MGRN1: variants seen among roughly 807,000 people sequenced by gnomAD.
MGRN1 encodes E3 ubiquitin-protein ligase MGRN1.
A neutral mutation model predicts 69.2 loss-of-function variants in MGRN1; 29 were observed. The observed-to-expected ratio is 0.42, with a 90% CI of 0.31 to 0.57. The LOEUF (loss-of-function observed/expected upper bound fraction) is 0.57. Among genes scored for constraint, MGRN1 ranks in the 20% least tolerant of loss-of-function variants. The pLI is 0.15. For missense variants in MGRN1, 998 were observed against 796.2 expected (o/e 1.25, Z -3.05); for synonymous variants, 470 against 344.2 (o/e 1.37, Z -4.04).
Position 4,690,319 on chromosome 16 carries a change from C to T in MGRN1, c.*1411C>T, listed in dbSNP as rs2079428321. Reference sequence around the variant, plus strand: ...GATCCACCCCTGCGGAGCCCTGGGCCAGGCAGGTGTCTGCTGCTCACCTGG... The same window carrying T: ...GATCCACCCCTGCGGAGCCCTGGGCTAGGCAGGTGTCTGCTGCTCACCTGG... On this transcript the variant is annotated 3_prime_UTR_variant, in exon 17 of 17. Coordinates refer to ENST00000262370, the MANE Select transcript of MGRN1 (RefSeq NM_015246.4). The T allele has an allele frequency of 6.6e-6, 1 of 151,946 alleles. No individual in the cohort carries two copies. The highest frequency in any genetic ancestry group is 1.5e-5 in the Non-Finnish European group (1 of 68,054). 9.4% of individuals were successfully genotyped at this position (151,946 alleles called of 1,614,324 possible). A position where few individuals can be genotyped will look rare whatever the true frequency, so the allele number is the denominator to read the frequency against.
chr16:4,689,016 C>A lies in MGRN1; in HGVS notation c.*108C>A. Reference sequence around the variant, plus strand: ...CCTCCTGTCTGCATGCCCCCTGTGGCCACCAGGCTCCGAGGGGCCGTGGTG... The same window carrying A: ...CCTCCTGTCTGCATGCCCCCTGTGGACACCAGGCTCCGAGGGGCCGTGGTG... On this transcript the variant is annotated 3_prime_UTR_variant, in exon 17 of 17. Transcript: ENST00000262370. 2 of 1,393,846 alleles carry A rather than the reference C, an allele frequency of 1.4e-6. No homozygotes were observed. The highest frequency in any genetic ancestry group is 1.9e-6 in the Non-Finnish European group (2 of 1,058,268). 86.3% of individuals were successfully genotyped at this position (1,393,846 alleles called of 1,614,324 possible).
At chr16:4,682,390 G>A (rs1415261270) in intron 13 of MGRN1, among the ~76,000 whole-genome samples, 2 of 152,212 alleles carry the variant, frequency 1.3e-5, no homozygotes, top group African/African-American at 4.8e-5. Flanking sequence ...GGGGGACTCT[G>A]TGCCTCAGGC....
chr16:4,654,643 A>G (rs1036158063), intron 4 of MGRN1, among the ~76,000 whole-genome samples: 2 of 152,380 alleles, frequency 1.3e-5, no homozygotes, highest in South Asian at 4.1e-4. Flanking sequence ...TTGGGGGCAC[A>G]TGACTGCTTG....
chr16:4,631,002 TG>T (rs1244168183), intron 1 of MGRN1, among the ~76,000 whole-genome samples: 1 of 151,868 alleles, frequency 6.6e-6, no homozygotes, highest in Non-Finnish European at 1.5e-5. Flanking sequence ...GTATTTTTTT[TG>T]TAGAGACAGG....
At chr16:4,655,253 C>T (rs1753541589) in intron 4 of MGRN1, among the ~76,000 whole-genome samples, 1 of 152,180 alleles carries the variant, frequency 6.6e-6, no homozygotes, top group Non-Finnish European at 1.5e-5. Flanking sequence ...AGTGCTCCAG[C>T]TGTCAGGGGC....
intron 10 of MGRN1, chr16:4,677,195 C>T (rs1273844758): frequency 1.7e-5 from 6 of 350,664 alleles, no homozygotes; most frequent in African/African-American, 6.4e-5. Context: ...ACTGTGTTTG[C>T]GGGAGTTCTG....
intron 1 of MGRN1, chr16:4,634,973 C>G (rs1315965077): frequency 6.6e-6 from 1 of 152,200 alleles, no homozygotes; most frequent in Admixed American, 6.5e-5. Flanking sequence ...AGGGCTCTCG[C>G]CCCGCGGAAC....
At chr16:4,655,324 A>C (rs1020531749) in intron 4 of MGRN1, among the ~76,000 whole-genome samples, 7 of 152,158 alleles carry the variant, frequency 4.6e-5, no homozygotes, top group African/African-American at 9.7e-5. Flanking sequence ...AAGGCTAGAG[A>C]GAGCAGAGAG....
intron 5 of MGRN1, among the ~76,000 whole-genome samples, chr16:4,659,911 G>A (rs914105670): frequency 5.9e-5 from 9 of 152,220 alleles, no homozygotes; most frequent in African/African-American, 1.2e-4. Context: ...CTGCTCCAGC[G>A]CGTGGCCATC....
At chr16:4,678,433 TGA>T (rs2079102541) in intron 11 of MGRN1, among the ~76,000 whole-genome samples, 1 of 145,448 alleles carries the variant, frequency 6.9e-6, no homozygotes, top group South Asian at 2.3e-4. Flanking sequence ...AGAGACAGGA[TGA>T]GAGAGATGTG....
In MGRN1 at chr16:4,681,745, A is replaced by C; in HGVS notation, c.1327A>C (p.Lys443Gln). The C allele has an allele frequency of 1.2e-6, 2 of 1,612,708 alleles. No individual in the cohort carries two copies. Among genetic ancestry groups the C allele is most frequent in the East Asian group, 4.5e-5 (2 of 44,862 alleles). ...CCACATCCTGGACAGCAGCCGCCAG[A>C]AGGGCAGGCCGCAGAGCAAGGCCCC... The part of the protein sequence containing the change: ...IDHILDSSRQ[K>Q]GRPQSKAPDS... The change falls in exon 13 of 17, where the codon AAG becomes CAG. Residue 443 changes from lysine (K) to glutamine (Q), a missense_variant. Physicochemically the swap from Lys to Gln is moderately conservative, Grantham distance 53 (BLOSUM62 1). Transcript: ENST00000262370.
At chr16:4,628,397 A>AT (rs1445347485) in intron 1 of MGRN1, among the ~76,000 whole-genome samples, 3 of 151,958 alleles carry the variant, frequency 2.0e-5, no homozygotes, top group Admixed American at 2.0e-4. Context: ...AAAAAAAAAA[A>AT]AAAAAAGGAG....
intron 16 of MGRN1, chr16:4,688,256 C>T (rs999723161): frequency 2.0e-6 from 2 of 985,728 alleles, no homozygotes; most frequent in Non-Finnish European, 2.4e-6. Flanking sequence ...CATCTGGGGA[C>T]AGCGCCCGGC....
At position 4,650,548 on chromosome 16, in the gene MGRN1, G is replaced by A. The variant is rs540725599; in HGVS notation, c.207+65G>A. ...GGGAGGCCCCTGTCCCCAGCAGTCC[G>A]CATCCCAGCCATGAGGGCAAGCAGG... is the stretch of plus-strand genomic sequence containing the variant. On this transcript the variant is annotated intron_variant, in intron 2 of 16. Transcript: ENST00000262370. The A allele has an allele frequency of 4.6e-5, 59 of 1,293,012 alleles. No homozygotes were observed. The Admixed American group carries it at 8.6e-4, about 19-fold the overall frequency. The allele number at this position is 1,293,012 out of a possible 1,614,324, so 80.1% of individuals were successfully genotyped here.
Position 4,657,257 on chromosome 16 carries a change from A to G in MGRN1, c.455A>G (p.Lys152Arg), listed in dbSNP as rs1054921691. The G allele has an allele frequency of 2.2e-5, 36 of 1,613,804 alleles. No homozygotes were observed. Among genetic ancestry groups the G allele is most frequent in the Non-Finnish European group, 3.1e-5 (36 of 1,179,808 alleles). Reference protein sequence around the residue: ...FLNGRAVYSPKSPSLQSETVH... With the variant: ...FLNGRAVYSPRSPSLQSETVH... ...CTGGCTCCCTGCAGATACAGCCCCA[A>G]GAGCCCCTCGCTACAGTCCGAGACC... Residue 152 changes from lysine (K) to arginine (R), a missense_variant, in exon 5 of 17, where the codon AAG (lysine) becomes AGG (arginine). Physicochemically the swap from Lys to Arg is conservative, Grantham distance 26. Transcript: ENST00000262370.
At chr16:4,679,138 G>C (rs916178358) in intron 11 of MGRN1, among the ~76,000 whole-genome samples, 1 of 152,234 alleles carries the variant, frequency 6.6e-6, no homozygotes, top group Non-Finnish European at 1.5e-5. Context: ...CGGAAACGCT[G>C]CGTGTGCTCA....
Position 4,687,482 on chromosome 16 carries a change from G to A in MGRN1, c.1619-1314G>A, listed in dbSNP as rs1409250820. 5 of 970,274 alleles carry A rather than the reference G, an allele frequency of 5.2e-6. No individual in the cohort carries two copies. In the African/African-American group the frequency reaches 5.3e-5, roughly 10 times the overall value. 60.1% of individuals were successfully genotyped at this position (970,274 alleles called of 1,614,324 possible). On this transcript the variant is annotated intron_variant, in intron 16 of 16. Coordinates refer to ENST00000262370, the MANE Select transcript of MGRN1 (RefSeq NM_015246.4). ...GATTGCCGGAGCTGGGGAGGTCAAG[G>A]CCCACTCCAGCCTGAGACGCTGTCT...
intron 11 of MGRN1, among the ~76,000 whole-genome samples, chr16:4,678,516 GAC>G (rs147070260): frequency 0.012 from 1,783 of 151,904 alleles, 43 homozygotes; most frequent in African/African-American, 0.04. Context: ...GATAGGAAGA[GAC>G]AGACAGATGT....
At position 4,689,136 on chromosome 16, in the gene MGRN1, C is replaced by T; in HGVS notation, c.*228C>T. 3.5e-6 allele frequency: 2 copies of T among 566,150 alleles called. No homozygotes were observed. Among genetic ancestry groups the T allele is most frequent in the Non-Finnish European group, 2.8e-6 (1 of 353,048 alleles). 35.1% of individuals were successfully genotyped at this position (566,150 alleles called of 1,614,324 possible). Reference sequence around the variant, plus strand: ...ACTGGTACAAGATGAAGGACAGCAGCTTTCCATCCCTAGTTCAGAGCCCCC... The same window carrying T: ...ACTGGTACAAGATGAAGGACAGCAGTTTTCCATCCCTAGTTCAGAGCCCCC... On this transcript the variant is annotated 3_prime_UTR_variant, in exon 17 of 17. Coordinates refer to ENST00000262370, the MANE Select transcript of MGRN1 (RefSeq NM_015246.4).
Sources: allele counts gnomAD v4.1 joint callset (sites outside exome capture counted in the v4.1 genomes callset), GRCh38; gene constraint gnomAD v4.1.1; transcripts MANE v1.5; gene names NCBI Gene and HGNC (gene_info 2026-07-23, HGNC 2026-07-21).